Variants in BBS1 observed in about 807,000 individuals in gnomAD.
The protein encoded by BBS1 is Bardet-Biedl syndrome 1.
A neutral mutation model predicts 73.9 loss-of-function variants in BBS1; 60 were observed. The ratio of observed to expected loss-of-function variants is 0.81; its 90% CI spans 0.66 to 1.01. The LOEUF is 1.01. Among genes scored for constraint, BBS1 ranks in the 50% least tolerant of loss-of-function variants. BBS1 has a pLI of 0.00. For missense variants in BBS1, 718 were observed against 770.3 expected (o/e 0.93, Z 0.80); for synonymous variants, 283 against 317.4 (o/e 0.89, Z 1.15).
Position 66,526,644 on chromosome 11 carries a change from C to T in BBS1, c.1181-5C>T. The T allele has an allele frequency of 1.9e-6, 3 of 1,614,186 alleles. No individual in the cohort carries two copies. The highest frequency in any genetic ancestry group is 2.5e-6 in the Non-Finnish European group (3 of 1,180,030). On this transcript the variant is annotated splice_polypyrimidine_tract_variant and splice_region_variant and intron_variant, in intron 12 of 16. Coordinates refer to ENST00000318312, the MANE Select transcript of BBS1 (RefSeq NM_024649.5). ...CAAATCCATTTCCACTGTCCACTTC[C>T]CTAGGTGGTGGCCTGATCATCAAGA...
chr11:66,526,895 G>A (rs1490226728), intron 13 of BBS1, 88 bp downstream of exon 13: 11 of 1,611,782 alleles, frequency 6.8e-6, no homozygotes, highest in East Asian at 2.2e-5. Flanking sequence ...GCCTCCCTGT[G>A]CACTGGGAGG....
rs139085733 is a variant in BBS1 at position 66,531,371 on chromosome 11, A to G, written c.1609-285A>G. Among the ~76,000 whole-genome samples, 1,444 of 152,282 alleles carry G rather than the reference A, an allele frequency of 9.5e-3. 7 individuals are homozygous for G. Among genetic ancestry groups the G allele is most frequent in the Non-Finnish European group, 0.015 (1,006 of 68,000 alleles). ...AGGGCCTGGTTTTCCCCCAGGGCCC[A>G]GGTCTGACCCCAAGTTGGGAGGACC... On this transcript the variant is annotated intron_variant, in intron 15 of 16. Transcript: ENST00000318312.
At position 66,514,634 on chromosome 11, in the gene BBS1, C is replaced by G; in HGVS notation, c.388C>G (p.Pro130Ala). The G allele has an allele frequency of 6.2e-7, 1 of 1,613,294 alleles. No homozygotes were observed. The highest frequency in any genetic ancestry group is 8.5e-7 in the Non-Finnish European group (1 of 1,180,036). ...CTTCAAGTTCAGCCTGCCCCAATTG[C>G]CTCCAAATCCTCTGGAACAAGACCT... ...PYFKFSLPQL[P>A]PNPLEQDLWN... Residue 130 changes from proline (P) to alanine (A), a missense_variant, in exon 4 of 17, where the codon CCT becomes GCT. By Grantham distance (27) the Pro-to-Ala change is conservative. Transcript: ENST00000318312.
chr11:66,529,627 A>G (rs1856677533), intron 13 of BBS1, 192 bp from the exon 14 acceptor site: 3 of 722,046 alleles, frequency 4.2e-6, no homozygotes, highest in Non-Finnish European at 7.2e-6. Flanking sequence ...GAGAAGAGGC[A>G]GGGCGAGGCC....
chr11:66,522,045 A>T (rs1291262583), intron 9 of BBS1, among the ~76,000 whole-genome samples: 5 of 146,814 alleles, frequency 3.4e-5, no homozygotes, highest in Non-Finnish European at 7.5e-5. Context: ...GTGAAACCCC[A>T]TCTCTACTAA....
At chr11:66,523,631 TG>T (rs1207374124) in intron 10 of BBS1, 55 bp downstream of exon 10, 2 of 1,612,844 alleles carry the variant, frequency 1.2e-6, no homozygotes, top group African/African-American at 2.7e-5. Flanking sequence ...AGCCCCCACT[TG>T]GCAAGAGAGT....
At chr11:66,511,385 A>C in intron 3 of BBS1, 146 bp downstream of exon 3, 1 of 971,930 alleles carries the variant, frequency 1.0e-6, no homozygotes, top group Non-Finnish European at 1.5e-6. Flanking sequence ...TTTTGTTTTT[A>C]TATGGAAAGT....
intron 11 of BBS1, among the ~76,000 whole-genome samples, chr11:66,525,467 G>A (rs1199508701): frequency 5.3e-5 from 8 of 152,068 alleles, no homozygotes; most frequent in East Asian, 3.9e-4. Context: ...TGGGAAGGCC[G>A]AGGCAGAATC....
At chr11:66,512,996 T>G (rs1237267172) in intron 3 of BBS1, among the ~76,000 whole-genome samples, 1 of 151,416 alleles carries the variant, frequency 6.6e-6, no homozygotes, top group Non-Finnish European at 1.5e-5. Flanking sequence ...ATGTTAAATA[T>G]CTTCACATAA....
intron 13 of BBS1, chr11:66,529,233 T>C (rs1856655879): frequency 6.7e-7 from 1 of 1,500,718 alleles, no homozygotes; most frequent in Non-Finnish European, 8.9e-7. Flanking sequence ...GGAAGAGTCA[T>C]GTGATCCTGC....
At position 66,526,677 on chromosome 11, in the gene BBS1, G is replaced by T. The variant is rs750005712; in HGVS notation, c.1209G>T (p.Lys403Asn). 6.2e-7 allele frequency: 1 copy of T among 1,614,218 alleles called. No individual in the cohort carries two copies. Among genetic ancestry groups the T allele is most frequent in the East Asian group, 2.2e-5 (1 of 44,890 alleles). ...RGGGLIIKIL[K>N]RTAVFVEGGS... The stretch of plus-strand genomic sequence containing the variant: ...GTGGCCTGATCATCAAGATCCTGAA[G>T]CGTACAGCAGTGTTTGTAGAGGGAG... Residue 403 changes from lysine (K) to asparagine (N), a missense_variant, in exon 13 of 17, where the codon AAG becomes AAT. Coordinates refer to ENST00000318312, the MANE Select transcript of BBS1 (RefSeq NM_024649.5).
At chr11:66,511,463 T>G (rs1030618127) in intron 3 of BBS1, among the ~76,000 whole-genome samples, 1 of 152,214 alleles carries the variant, frequency 6.6e-6, no homozygotes, top group Admixed American at 6.5e-5. Flanking sequence ...TTCTGGGGAT[T>G]CTACTAAGAC....
In BBS1 at chr11:66,521,341, G is replaced by A. The variant is rs550508776; in HGVS notation, c.795G>A (p.Ala265=). 8.7e-6 allele frequency: 14 copies of A among 1,614,068 alleles called. No individual in the cohort carries two copies. Among genetic ancestry groups the A allele is most frequent in the East Asian group, 6.7e-5 (3 of 44,900 alleles). Residue 265 remains alanine (A), a synonymous_variant, in exon 9 of 17, where the codon GCG becomes GCA. Coordinates refer to ENST00000318312, the MANE Select transcript of BBS1 (RefSeq NM_024649.5). ...TTGATGTTGAGTTCCGGCTTGCCGC[G>A]GCCTGCCGCAATGGAAACATCTATA... The part of the protein sequence containing the change: ...GQFDVEFRLA[A]ACRNGNIYIL...
intron 13 of BBS1, among the ~76,000 whole-genome samples, chr11:66,528,838 C>T (rs956914705): frequency 1.3e-5 from 2 of 151,692 alleles, no homozygotes; most frequent in Non-Finnish European, 2.9e-5. Flanking sequence ...CTTGGCGGCG[C>T]GTGCCTGTAA....
At chr11:66,527,307 G>T (rs1035199120) in intron 13 of BBS1, among the ~76,000 whole-genome samples, 1 of 151,584 alleles carries the variant, frequency 6.6e-6, no homozygotes, top group African/African-American at 2.4e-5. Flanking sequence ...TTCATTCATC[G>T]TTCGTTCATT....
At chr11:66,510,967 C>T (rs1306391491) in intron 1 of BBS1, 46 bp from the exon 2 acceptor site, 56 of 1,600,188 alleles carry the variant, frequency 3.5e-5, no homozygotes, top group Non-Finnish European at 4.8e-5. Context: ...TTTTTTTTTC[C>T]CCTCCCATGG....
rs35520756 is a variant in BBS1, at chr11:66,519,725, G to A, written c.700G>A (p.Glu234Lys). The A allele has an allele frequency of 5.5e-3, 8,817 of 1,613,416 alleles. 409 individuals carry two copies. In the African/African-American group the frequency reaches 0.1, roughly 19 times the overall value. ...CAAGGAGCTCCTGGTGCTTGACCCC[G>A]AGGCCTTCACCATTTTAGCCAAGGT... ...ENKELLVLDPEAFTILAKMSL... is the reference protein window; with the variant it reads ...ENKELLVLDPKAFTILAKMSL... The change falls in exon 8 of 17, where the codon GAG (glutamate) becomes AAG (lysine). Residue 234 changes from glutamate to lysine, a missense_variant. By Grantham distance (56) the Glu-to-Lys change is moderately conservative. Transcript: ENST00000318312.
intron 11 of BBS1, chr11:66,524,240 A>C: frequency 8.4e-6 from 3 of 356,864 alleles, no homozygotes; most frequent in South Asian, 2.2e-5. Context: ...AGATCAAACC[A>C]TGGCACTTCA....
intron 9 of BBS1, chr11:66,521,632 G>C: frequency 2.1e-6 from 1 of 477,892 alleles, no homozygotes; most frequent in Non-Finnish European, 3.8e-6. Flanking sequence ...CAGGCTGGGC[G>C]CTGTGGCTCA....
Sources: gnomAD v4.1 joint callset for allele counts (sites outside exome capture counted in the v4.1 genomes callset) on GRCh38, gnomAD v4.1.1 for gene constraint, MANE v1.5 for transcripts, NCBI Gene and HGNC (gene_info 2026-07-23, HGNC 2026-07-21) for gene names.